C16orf82: variants seen among roughly 807,000 people sequenced by gnomAD.
The protein encoded by C16orf82 is chromosome 16 open reading frame 82, also known as protein TNT.
For synonymous variants in C16orf82, 82 were observed against 85.5 expected, an observed-to-expected ratio of 0.96 and a Z score of 0.22; for missense variants, 176 against 206.1, an observed-to-expected ratio of 0.85 and a Z score of 0.89.
Position 27,069,008 on chromosome 16 carries a change from G to A in C16orf82, c.*1548G>A, listed in dbSNP as rs139118897. 2 of 167,084 alleles carry A rather than the reference G, an allele frequency of 1.2e-5. No individual in the cohort carries two copies. The highest frequency in any genetic ancestry group is 4.8e-5 in the African/African-American group (2 of 41,514). 10.4% of individuals were successfully genotyped at this position (167,084 alleles called of 1,614,324 possible). On this transcript the variant is annotated 3_prime_UTR_variant, in exon 1 of 1. Coordinates refer to ENST00000505035, the MANE Select transcript of C16orf82 (RefSeq NM_001145545.2). Reference sequence around the variant, plus strand: ...CCGAAGTCTCTGCCCGTCTCTTACTGGAGGCACTAAACCCCCTCCCTGGGT... The same window carrying A: ...CCGAAGTCTCTGCCCGTCTCTTACTAGAGGCACTAAACCCCCTCCCTGGGT...
At position 27,067,958 on chromosome 16, in the gene C16orf82, G is replaced by A. The variant is rs1900422960; in HGVS notation, c.*498G>A. 4.9e-6 allele frequency: 1 copy of A among 204,436 alleles called. No individual in the cohort carries two copies. Among genetic ancestry groups the A allele is most frequent in the Non-Finnish European group, 1.1e-5 (1 of 91,504 alleles). The allele number at this position is 204,436 out of a possible 1,614,324, so 12.7% of individuals were successfully genotyped here. A position where few individuals can be genotyped will look rare whatever the true frequency, so the allele number is the denominator to read the frequency against. ...ACATGTAGCAGGAAGGATCTATGCT[G>A]AGCACCGCCTATCCTGAGAACACAG... On this transcript the variant is annotated 3_prime_UTR_variant, in exon 1 of 1. Coordinates refer to ENST00000505035, the MANE Select transcript of C16orf82 (RefSeq NM_001145545.2).
In C16orf82 at chr16:27,067,290, G is replaced by A. The variant is rs138308875; in HGVS notation, c.295G>A (p.Asp99Asn). Residue 99 changes from aspartate to asparagine, a missense_variant, in exon 1 of 1, where the codon GAC becomes AAC. Asp to Asn is a conservative substitution (Grantham distance 23, BLOSUM62 1). Coordinates refer to ENST00000505035, the MANE Select transcript of C16orf82 (RefSeq NM_001145545.2). ...GTACGCAGGGGACAAGGAGGGCAGC[G>A]ACATCAGCTTGGTGGGCAGCCACCG... is the stretch of plus-strand genomic sequence containing the variant. The A allele has an allele frequency of 1.5e-3, 2,016 of 1,362,266 alleles. 25 individuals carry two copies. The African/African-American group carries it at 0.026, about 18-fold the overall frequency. 84.4% of individuals were successfully genotyped at this position (1,362,266 alleles called of 1,614,324 possible). A position where few individuals can be genotyped will look rare whatever the true frequency, so the allele number is the denominator to read the frequency against.
Position 27,067,262 on chromosome 16 carries a change from C to T in C16orf82, c.267C>T (p.Ser89=), listed in dbSNP as rs750853661. 8.1e-6 allele frequency: 11 copies of T among 1,365,060 alleles called. No individual in the cohort carries two copies. The highest frequency in any genetic ancestry group is 1.5e-5 in the African/African-American group (1 of 67,788). 84.6% of individuals were successfully genotyped at this position (1,365,060 alleles called of 1,614,324 possible). ...AGGGCAGCCATGCCAGCCTGAGCAG[C>T]GGGTACGCAGGGGACAAGGAGGGCA... The change falls in exon 1 of 1, where the codon AGC becomes AGT. Residue 89 remains serine, a synonymous_variant. Transcript: ENST00000505035.
In C16orf82 at chr16:27,067,486, G is replaced by A. The variant is rs761389931; in HGVS notation, c.*26G>A. 50 of 1,280,166 alleles carry A rather than the reference G, an allele frequency of 3.9e-5. No homozygotes were observed. Among genetic ancestry groups the A allele is most frequent in the Admixed American group, 7.1e-5 (3 of 42,488 alleles). 79.3% of individuals were successfully genotyped at this position (1,280,166 alleles called of 1,614,324 possible). ...GGCCAGCCTGCCCGGCAGCGGCAGC[G>A]GCAGCAGCATCCTGTCCAGCGCCAG... On this transcript the variant is annotated 3_prime_UTR_variant, in exon 1 of 1. Coordinates refer to ENST00000505035, the MANE Select transcript of C16orf82 (RefSeq NM_001145545.2).
chr16:27,067,480 G>A lies in C16orf82; in HGVS notation c.*20G>A, dbSNP rs760454301. On this transcript the variant is annotated 3_prime_UTR_variant, in exon 1 of 1. Coordinates refer to ENST00000505035, the MANE Select transcript of C16orf82 (RefSeq NM_001145545.2). ...GAGTGAGGCCAGCCTGCCCGGCAGC[G>A]GCAGCGGCAGCAGCATCCTGTCCAG... 7.0e-6 allele frequency: 9 copies of A among 1,294,080 alleles called. No homozygotes were observed. Among genetic ancestry groups the A allele is most frequent in the East Asian group, 5.4e-5 (1 of 18,528 alleles). 80.2% of individuals were successfully genotyped at this position (1,294,080 alleles called of 1,614,324 possible). A position where few individuals can be genotyped will look rare whatever the true frequency, so the allele number is the denominator to read the frequency against.
Position 27,067,541 on chromosome 16 carries a change from C to G in C16orf82, c.*81C>G. 9.3e-7 allele frequency: 1 copy of G among 1,079,742 alleles called. No individual in the cohort carries two copies. Among genetic ancestry groups the G allele is most frequent in the Non-Finnish European group, 1.2e-6 (1 of 822,262 alleles). The allele number at this position is 1,079,742 out of a possible 1,614,324, so 66.9% of individuals were successfully genotyped here. A position where few individuals can be genotyped will look rare whatever the true frequency, so the allele number is the denominator to read the frequency against. ...ATCAGCTTGGGCAGCAGTGCCCTCA[C>G]CTACAAGGTGAGCAGCGGGCTGCTG... On this transcript the variant is annotated 3_prime_UTR_variant, in exon 1 of 1. Coordinates refer to ENST00000505035, the MANE Select transcript of C16orf82 (RefSeq NM_001145545.2).
In C16orf82 at chr16:27,067,340, C is replaced by A; in HGVS notation, c.345C>A (p.Leu115=). The stretch of plus-strand genomic sequence containing the variant: ...GGAGAGTGCGGCTGAACAGAAGGCT[C>A]AACACCCAGGCGGCCAGTAACCAAA... The change falls in exon 1 of 1, where the codon CTC becomes CTA. Residue 115 remains leucine (L), a synonymous_variant. Transcript: ENST00000505035. The A allele has an allele frequency of 7.4e-7, 1 of 1,348,708 alleles. No homozygotes were observed. The highest frequency in any genetic ancestry group is 9.9e-7 in the Non-Finnish European group (1 of 1,013,312). The allele number at this position is 1,348,708 out of a possible 1,614,324, so 83.5% of individuals were successfully genotyped here. A position where few individuals can be genotyped will look rare whatever the true frequency, so the allele number is the denominator to read the frequency against.
In C16orf82 at chr16:27,067,029, C is replaced by G; in HGVS notation, c.34C>G (p.Leu12Val). Reference sequence around the variant, plus strand: ...ACCACTTCAGCTGCCCCCCATTTTTCTCGAGGGAGAAAAAGGGGAATCCTC... The same window carrying G: ...ACCACTTCAGCTGCCCCCCATTTTTGTCGAGGGAGAAAAAGGGGAATCCTC... Residue 12 changes from leucine to valine, a missense_variant, in exon 1 of 1, where the codon CTC becomes GTC. Coordinates refer to ENST00000505035, the MANE Select transcript of C16orf82 (RefSeq NM_001145545.2). 1 of 1,367,708 alleles carries G rather than the reference C, an allele frequency of 7.3e-7. No individual in the cohort carries two copies. The highest frequency in any genetic ancestry group is 9.8e-7 in the Non-Finnish European group (1 of 1,021,856). 84.7% of individuals were successfully genotyped at this position (1,367,708 alleles called of 1,614,324 possible). A position where few individuals can be genotyped will look rare whatever the true frequency, so the allele number is the denominator to read the frequency against.
Position 27,069,049 on chromosome 16 carries a change from T to C in C16orf82, c.*1589T>C, listed in dbSNP as rs1460502348. Reference sequence around the variant, plus strand: ...CTCCCTGGGTTGACCTCACAGACATTGAAGTGAGTCTGCCCACAAAGGAAA... The same window carrying C: ...CTCCCTGGGTTGACCTCACAGACATCGAAGTGAGTCTGCCCACAAAGGAAA... On this transcript the variant is annotated 3_prime_UTR_variant, in exon 1 of 1. Transcript: ENST00000505035. The C allele has an allele frequency of 6.0e-6, 1 of 166,782 alleles. No homozygotes were observed. Among genetic ancestry groups the C allele is most frequent in the Non-Finnish European group, 1.5e-5 (1 of 68,066 alleles). 10.3% of individuals were successfully genotyped at this position (166,782 alleles called of 1,614,324 possible).
chr16:27,067,795 A>G lies in C16orf82; in HGVS notation c.*335A>G. The G allele has an allele frequency of 3.6e-6, 1 of 281,638 alleles. No individual in the cohort carries two copies. The highest frequency in any genetic ancestry group is 7.4e-6 in the Non-Finnish European group (1 of 135,452). 17.4% of individuals were successfully genotyped at this position (281,638 alleles called of 1,614,324 possible). On this transcript the variant is annotated 3_prime_UTR_variant, in exon 1 of 1. Transcript: ENST00000505035. Reference sequence around the variant, plus strand: ...CAGAGTCTCCCAGAAAACAACACACAGGCCCAGCAAACACAGGCTGCACCC... The same window carrying G: ...CAGAGTCTCCCAGAAAACAACACACGGGCCCAGCAAACACAGGCTGCACCC...
rs144063867 is a variant in C16orf82, at chr16:27,067,311, C to A, written c.316C>A (p.His106Asn). 6.9e-4 allele frequency: 943 copies of A among 1,358,526 alleles called. 5 individuals carry two copies. In the African/African-American group the frequency reaches 0.013, roughly 18 times the overall value. The allele number at this position is 1,358,526 out of a possible 1,614,324, so 84.2% of individuals were successfully genotyped here. ...CAGCGACATCAGCTTGGTGGGCAGC[C>A]ACCGGAGAGTGCGGCTGAACAGAAG... The change falls in exon 1 of 1, where the codon CAC becomes AAC. Residue 106 changes from histidine (H) to asparagine (N), a missense_variant. Coordinates refer to ENST00000505035, the MANE Select transcript of C16orf82 (RefSeq NM_001145545.2).
In C16orf82 at chr16:27,067,052, C is replaced by G; in HGVS notation, c.57C>G (p.Ser19=). The change falls in exon 1 of 1, where the codon TCC becomes TCG. Residue 19 remains serine (S), a synonymous_variant. Transcript: ENST00000505035. The stretch of plus-strand genomic sequence containing the variant: ...TTCTCGAGGGAGAAAAAGGGGAATC[C>G]TCTGTCCAGAATGAGCAGGAAGGAG... The G allele has an allele frequency of 7.3e-7, 1 of 1,367,690 alleles. No homozygotes were observed. Among genetic ancestry groups the G allele is most frequent in the African/African-American group, 1.5e-5 (1 of 67,882 alleles). 84.7% of individuals were successfully genotyped at this position (1,367,690 alleles called of 1,614,324 possible).
Position 27,067,550 on chromosome 16 carries a change from T to C in C16orf82, c.*90T>C. On this transcript the variant is annotated 3_prime_UTR_variant, in exon 1 of 1. Coordinates refer to ENST00000505035, the MANE Select transcript of C16orf82 (RefSeq NM_001145545.2). ...GGCAGCAGTGCCCTCACCTACAAGG[T>C]GAGCAGCGGGCTGCTGACTTCCACA... 2.0e-6 allele frequency: 2 copies of C among 977,210 alleles called. No individual in the cohort carries two copies. Among genetic ancestry groups the C allele is most frequent in the South Asian group, 1.6e-5 (1 of 61,338 alleles). The allele number at this position is 977,210 out of a possible 1,614,324, so 60.5% of individuals were successfully genotyped here. A position where few individuals can be genotyped will look rare whatever the true frequency, so the allele number is the denominator to read the frequency against.
Position 27,068,716 on chromosome 16 carries a change from CTTTTTTT to C in C16orf82, c.*1266_*1272del. 6.7e-6 allele frequency: 1 copy of C among 150,290 alleles called. No individual in the cohort carries two copies. The allele number at this position is 150,290 out of a possible 1,614,324, so 9.3% of individuals were successfully genotyped here. A position where few individuals can be genotyped will look rare whatever the true frequency, so the allele number is the denominator to read the frequency against. On this transcript the variant is annotated 3_prime_UTR_variant, in exon 1 of 1. Transcript: ENST00000505035. ...ACCATCCCAGAGAGCTCCAAGCGTC[CTTTTTTT>C]TTTTTTTTTCCTTTGAGTGCTGTCT...
In C16orf82 at chr16:27,068,482, AG is replaced by A. The variant is rs1473100243; in HGVS notation, c.*1023del. On this transcript the variant is annotated 3_prime_UTR_variant, in exon 1 of 1. Coordinates refer to ENST00000505035, the MANE Select transcript of C16orf82 (RefSeq NM_001145545.2). ...CATTGTCACTGCCCGCAGAAGCACT[AG>A]CAAGACAGCCACGGTGCACACGGAG... 3 of 167,326 alleles carry A rather than the reference AG, an allele frequency of 1.8e-5. No individual in the cohort carries two copies. Among genetic ancestry groups the A allele is most frequent in the African/African-American group, 7.2e-5 (3 of 41,454 alleles). The allele number at this position is 167,326 out of a possible 1,614,324, so 10.4% of individuals were successfully genotyped here.
rs1475216792 is a variant in C16orf82, at chr16:27,068,086, T to C, written c.*626T>C. 1 of 167,782 alleles carries C rather than the reference T, an allele frequency of 6.0e-6. No homozygotes were observed. The highest frequency in any genetic ancestry group is 1.4e-5 in the Non-Finnish European group (1 of 68,998). The allele number at this position is 167,782 out of a possible 1,614,324, so 10.4% of individuals were successfully genotyped here. On this transcript the variant is annotated 3_prime_UTR_variant, in exon 1 of 1. Transcript: ENST00000505035. ...CCACCTGTGTCAAAACAGCGAAGAG[T>C]AATGACATCGACTGTGAACTTCAGT...
In C16orf82 at chr16:27,068,546, C is replaced by T. The variant is rs572562272; in HGVS notation, c.*1086C>T. 6.0e-6 allele frequency: 1 copy of T among 167,334 alleles called. No homozygotes were observed. Among genetic ancestry groups the T allele is most frequent in the South Asian group, 2.1e-4 (1 of 4,830 alleles). 10.4% of individuals were successfully genotyped at this position (167,334 alleles called of 1,614,324 possible). A position where few individuals can be genotyped will look rare whatever the true frequency, so the allele number is the denominator to read the frequency against. ...TCTCAGCTCCCCCAAGGAGTCCAGA[C>T]TAAGTGACTGTCACCAGAGAAGGAT... is the stretch of plus-strand genomic sequence containing the variant. On this transcript the variant is annotated 3_prime_UTR_variant, in exon 1 of 1. Transcript: ENST00000505035.
In C16orf82 at chr16:27,068,321, A is replaced by T. The variant is rs1900430249; in HGVS notation, c.*861A>T. 1 of 167,248 alleles carries T rather than the reference A, an allele frequency of 6.0e-6. No individual in the cohort carries two copies. Among genetic ancestry groups the T allele is most frequent in the African/African-American group, 2.4e-5 (1 of 41,454 alleles). The allele number at this position is 167,248 out of a possible 1,614,324, so 10.4% of individuals were successfully genotyped here. On this transcript the variant is annotated 3_prime_UTR_variant, in exon 1 of 1. Transcript: ENST00000505035. The stretch of plus-strand genomic sequence containing the variant: ...CCATCTGCAACCAACACCAGCCACG[A>T]TGAGCTCAGAAGAAACAAGCTGCAA...
In C16orf82 at chr16:27,067,712, C is replaced by T; in HGVS notation, c.*252C>T. 1 of 357,008 alleles carries T rather than the reference C, an allele frequency of 2.8e-6. No individual in the cohort carries two copies. The highest frequency in any genetic ancestry group is 5.8e-6 in the Non-Finnish European group (1 of 173,564). 22.1% of individuals were successfully genotyped at this position (357,008 alleles called of 1,614,324 possible). A position where few individuals can be genotyped will look rare whatever the true frequency, so the allele number is the denominator to read the frequency against. On this transcript the variant is annotated 3_prime_UTR_variant, in exon 1 of 1. Transcript: ENST00000505035. Reference sequence around the variant, plus strand: ...AACGTGAAAACCAGTGAGCAGGTCACCACGGGGGAGCAGCCTGCCCAGGTG... The same window carrying T: ...AACGTGAAAACCAGTGAGCAGGTCATCACGGGGGAGCAGCCTGCCCAGGTG...
Sources: gnomAD v4.1 joint callset for allele counts on GRCh38, gnomAD v4.1.1 for gene constraint, MANE v1.5 for transcripts, NCBI Gene and HGNC (gene_info 2026-07-23, HGNC 2026-07-21) for gene names.